PIK3R3: variants seen among roughly 807,000 people sequenced by gnomAD.
The protein encoded by PIK3R3 is phosphoinositide-3-kinase regulatory subunit 3.
Under a neutral mutation model 62.9 loss-of-function variants are expected in PIK3R3, and 64 were observed. The ratio of observed to expected loss-of-function variants is 1.02; its 90% CI spans 0.83 to 1.25. The LOEUF (loss-of-function observed/expected upper bound fraction) is 1.25, where lower values mean the gene tolerates loss of function less well. Among genes scored for constraint, PIK3R3 ranks in the 50% most tolerant of loss-of-function variants. The pLI is 0.00. For synonymous variants in PIK3R3, 165 were observed against 189.0 expected (o/e 0.87, Z 1.04); for missense variants, 614 against 561.6 (o/e 1.09, Z -0.94).
intron 1 of PIK3R3, among the ~76,000 whole-genome samples, chr1:46,102,524 C>G (rs1227148309): frequency 6.6e-6 from 1 of 151,710 alleles, no homozygotes; most frequent in East Asian, 1.9e-4. Flanking sequence ...TCTTCTTTTT[C>G]TTGATTTAGG....
chr1:46,133,346 G>A (rs189076058), upstream of PIK3R3, among the ~76,000 whole-genome samples: 456 of 152,358 alleles, frequency 3.0e-3, 5 homozygotes, highest in African/African-American at 0.01. Context: ...GACGAGTAAG[G>A]AGAGGAGCCA....
At chr1:46,172,700 G>T in the PIK3R3 span, among the ~76,000 whole-genome samples, 1 of 152,060 alleles carries the variant, frequency 6.6e-6, no homozygotes, top group African/African-American at 2.4e-5. Context: ...TAAAAACTAG[G>T]CAGGGGAAAG....
At chr1:46,050,083 T>C (rs1336746092) in intron 7 of PIK3R3, among the ~76,000 whole-genome samples, 2 of 143,286 alleles carry the variant, frequency 1.4e-5, no homozygotes, top group African/African-American at 5.3e-5. Flanking sequence ...ATCGTGCCAT[T>C]GCACTCCAGC....
the PIK3R3 span, among the ~76,000 whole-genome samples, chr1:46,165,829 T>G: frequency 3.9e-5 from 5 of 128,168 alleles, no homozygotes; most frequent in African/African-American, 1.5e-4. Flanking sequence ...TGGAGTGCAG[T>G]GGCGCGATCT....
intron 1 of PIK3R3, among the ~76,000 whole-genome samples, chr1:46,125,235 TATA>T (rs1439970133): frequency 6.6e-6 from 1 of 152,158 alleles, no homozygotes. Context: ...CACTATACAT[TATA>T]ATATATTAAA....
chr1:46,132,605 C>T lies in PIK3R3; in HGVS notation c.-653G>A, dbSNP rs1655720897. 8 of 1,289,352 alleles carry T rather than the reference C, an allele frequency of 6.2e-6. No homozygotes were observed. The highest frequency in any genetic ancestry group is 8.1e-6 in the Non-Finnish European group (8 of 988,642). The allele number at this position is 1,289,352 out of a possible 1,614,324, so 79.9% of individuals were successfully genotyped here. A position where few individuals can be genotyped will look rare whatever the true frequency, so the allele number is the denominator to read the frequency against. On this transcript the variant is annotated 5_prime_UTR_variant, in exon 1 of 10. Coordinates refer to ENST00000262741, the MANE Select transcript of PIK3R3 (RefSeq NM_003629.4). The stretch of plus-strand genomic sequence containing the variant: ...CGGGGTGTAAGAACCAACCCGACCG[C>T]ACCAACTGCCCTCAAGCTCTGCCCG...
chr1:46,120,188 T>C (rs1460478802), intron 1 of PIK3R3, among the ~76,000 whole-genome samples: 1 of 152,226 alleles, frequency 6.6e-6, no homozygotes, highest in East Asian at 1.9e-4. Context: ...CCAGAGATGT[T>C]AGCTTCCTCA....
chr1:46,078,414 C>T (rs759856832), intron 2 of PIK3R3, among the ~76,000 whole-genome samples: 4 of 152,038 alleles, frequency 2.6e-5, no homozygotes, highest in Admixed American at 6.6e-5. Flanking sequence ...GCAGGGCAAG[C>T]GCCTGTAATC....
chr1:46,108,434 A>G (rs1223777856), intron 1 of PIK3R3, among the ~76,000 whole-genome samples: 1 of 152,136 alleles, frequency 6.6e-6, no homozygotes, highest in Non-Finnish European at 1.5e-5. Flanking sequence ...GAAAATCATA[A>G]CAGGTTAGGA....
chr1:46,045,644 T>TTTTC (rs370501368), intron 9 of PIK3R3, among the ~76,000 whole-genome samples: 3 of 82,678 alleles, frequency 3.6e-5, no homozygotes, highest in African/African-American at 1.4e-4. Context: ...TTTTTTTTTT[T>TTTTC]CAATTTAAGA....
Position 46,100,748 on chromosome 1 carries a change from A to G in PIK3R3, c.107-19998T>C, listed in dbSNP as rs1403700497. ...TCCTATCAGTTAATATGGTATCCCA[A>G]TTACATCTCTTCTCATGTCTTTTAA... On this transcript the variant is annotated intron_variant, in intron 1 of 9. Transcript: ENST00000262741. Among the ~76,000 whole-genome samples, 4 of 152,208 alleles carry G rather than the reference A, an allele frequency of 2.6e-5. No homozygotes were observed. The East Asian group carries it at 5.8e-4, about 22-fold the overall frequency.
chr1:46,094,111 C>T lies in PIK3R3; in HGVS notation c.107-13361G>A, dbSNP rs116736464. 2.9e-3 allele frequency among the ~76,000 whole-genome samples: 441 copies of T among 149,502 alleles called. 3 individuals are homozygous for T. The highest frequency in any genetic ancestry group is 0.02 in the East Asian group (104 of 5,134). ...CGAAGATGAACGATGTTATCAAAGA[C>T]ACAAAACAAACCTAAAATATTCCAT... On this transcript the variant is annotated intron_variant, in intron 1 of 9. Coordinates refer to ENST00000262741, the MANE Select transcript of PIK3R3 (RefSeq NM_003629.4).
intron 1 of PIK3R3, among the ~76,000 whole-genome samples, chr1:46,121,435 C>T (rs897236079): frequency 2.6e-5 from 4 of 151,950 alleles, no homozygotes; most frequent in African/African-American, 9.7e-5. Context: ...TCAGCAAGAC[C>T]TTTTTCAGAG....
In PIK3R3 at chr1:46,079,703, C is replaced by A. The variant is rs530241610; in HGVS notation, c.215+939G>T. Among the ~76,000 whole-genome samples the A allele has an allele frequency of 5.5e-4, 83 of 152,248 alleles. No individual in the cohort carries two copies. In the East Asian group the frequency reaches 0.013, roughly 24 times the overall value. On this transcript the variant is annotated intron_variant, in intron 2 of 9. Coordinates refer to ENST00000262741, the MANE Select transcript of PIK3R3 (RefSeq NM_003629.4). ...GTGCAGTGGCTTACACCTGTAATCC[C>A]AGCACTTTGGGAGGCCAAGGTAGGT... is the stretch of plus-strand genomic sequence containing the variant.
chr1:46,116,396 T>C (rs1431066496), intron 1 of PIK3R3, among the ~76,000 whole-genome samples: 1 of 152,142 alleles, frequency 6.6e-6, no homozygotes, highest in Non-Finnish European at 1.5e-5. Flanking sequence ...TGCATACCTG[T>C]AGTCTCACCT....
At chr1:46,137,980 C>G (rs748845190), upstream of PIK3R3, among the ~76,000 whole-genome samples, 2 of 152,118 alleles carry the variant, frequency 1.3e-5, no homozygotes, top group East Asian at 3.9e-4. Context: ...AGACAATGAC[C>G]TTTCCCTCCC....
At chr1:46,054,965 C>G (rs180757764) in intron 7 of PIK3R3, among the ~76,000 whole-genome samples, 6 of 149,708 alleles carry the variant, frequency 4.0e-5, no homozygotes, top group African/African-American at 1.5e-4. Flanking sequence ...TGCAGTGGCA[C>G]GATCTCGGCT....
At chr1:46,104,838 A>G (rs1442640727) in intron 1 of PIK3R3, 2 of 407,158 alleles carry the variant, frequency 4.9e-6, no homozygotes, top group Non-Finnish European at 8.9e-6. Context: ...AAGCTAAGGC[A>G]GGGAACTTGA....
rs1357786582 is a variant in PIK3R3 at position 46,045,616 on chromosome 1, G to GTTTTTTTTTTT, written c.1187+301_1187+302insAAAAAAAAAAA. ...ATAGGATACTACTAAACAATTAAGTGCTTTTTTTTTTTTTTTTTTTTTTTT... is the reference window on the plus strand; with the variant it reads ...ATAGGATACTACTAAACAATTAAGTGTTTTTTTTTTTCTTTTTTTTTTTTTTTTTTTTTTTT... On this transcript the variant is annotated intron_variant, in intron 9 of 9. Transcript: ENST00000262741. 4.6e-3 allele frequency among the ~76,000 whole-genome samples: 76 copies of GTTTTTTTTTTT among 16,510 alleles called. 7 individuals are homozygous for GTTTTTTTTTTT. The highest frequency in any genetic ancestry group is 7.3e-3 in the Admixed American group (11 of 1,502). 10.8% of individuals were successfully genotyped at this position (16,510 alleles called of 152,430 possible). A position where few individuals can be genotyped will look rare whatever the true frequency, so the allele number is the denominator to read the frequency against.
Sources: gnomAD v4.1 joint callset for allele counts (sites outside exome capture counted in the v4.1 genomes callset) on GRCh38, gnomAD v4.1.1 for gene constraint, MANE v1.5 for transcripts, NCBI Gene and HGNC (gene_info 2026-07-23, HGNC 2026-07-21) for gene names.